HPCAL1: variants seen among roughly 807,000 people sequenced by gnomAD.
The protein encoded by HPCAL1 is hippocalcin like 1, also known as hippocalcin-like protein 1.
In HPCAL1, 8 loss-of-function variants were observed where a neutral mutation model predicts 17.1. That is an observed-to-expected ratio of 0.47 (90% confidence interval 0.27 to 0.84). The LOEUF (loss-of-function observed/expected upper bound fraction) is 0.84, where lower values mean the gene tolerates loss of function less well. Ranked by LOEUF, HPCAL1 falls within the 40% of genes least tolerant of loss-of-function variation. HPCAL1 has a pLI of 0.13. For missense variants in HPCAL1, 165 were observed against 271.1 expected, an observed-to-expected ratio of 0.61 and a Z score of 2.75; for synonymous variants, 112 against 111.4, an observed-to-expected ratio of 1.01 and a Z score of -0.03.
chr2:10,420,575 G>A (rs1671001074), intron 3 of HPCAL1, among the ~76,000 whole-genome samples: 1 of 152,046 alleles, frequency 6.6e-6, no homozygotes, highest in Non-Finnish European at 1.5e-5. Context: ...AAAGTGAGCA[G>A]TTGTCACCTG....
chr2:10,320,944 C>T (rs1663633762), intron 1 of HPCAL1, among the ~76,000 whole-genome samples: 1 of 152,128 alleles, frequency 6.6e-6, no homozygotes, highest in African/African-American at 2.4e-5. Flanking sequence ...GAAAACAATA[C>T]ATTAGTGAAG....
chr2:10,354,277 G>A lies in HPCAL1; in HGVS notation c.-110-42558G>A, dbSNP rs772441974. ...GCCCTTCAGCCATGCAATCCTGCGT[G>A]TCCTCGTTCTTCATTCCACAAATAC... On this transcript the variant is annotated intron_variant, in intron 1 of 4. Coordinates refer to ENST00000307845, the MANE Select transcript of HPCAL1 (RefSeq NM_002149.4). This position sits in a 1 kb window ranked among gnomAD's most constrained non-coding sequence, Gnocchi z 5.1. The A allele has an allele frequency of 6.6e-6, 1 of 152,174 alleles. No homozygotes were observed. The highest frequency in any genetic ancestry group is 1.5e-5 in the Non-Finnish European group (1 of 68,050). The allele number at this position is 152,174 out of a possible 1,614,324, so 9.4% of individuals were successfully genotyped here.
At chr2:10,336,095 G>T (rs770842114) in intron 1 of HPCAL1, among the ~76,000 whole-genome samples, 1,556 of 109,370 alleles carry the variant, frequency 0.014, 97 homozygotes, top group African/African-American at 0.029. Context: ...AATTGCATGT[G>T]CGTATCTTCT....
At chr2:10,347,046 A>G (rs946511985) in intron 1 of HPCAL1, among the ~76,000 whole-genome samples, 4 of 141,840 alleles carry the variant, frequency 2.8e-5, no homozygotes, top group African/African-American at 1.1e-4. Context: ...CAGAGTGCTC[A>G]TAGATGAGTT....
At chr2:10,398,687 C>T (rs955826261) in intron 2 of HPCAL1, among the ~76,000 whole-genome samples, 3 of 152,068 alleles carry the variant, frequency 2.0e-5, no homozygotes, top group Admixed American at 6.5e-5. Context: ...TCCCCTGCCC[C>T]GCCCTTAGAT....
intron 1 of HPCAL1, among the ~76,000 whole-genome samples, chr2:10,389,558 A>G (rs540882720): frequency 6.6e-6 from 1 of 152,356 alleles, no homozygotes; most frequent in East Asian, 1.9e-4. Flanking sequence ...TTGGACTTCC[A>G]GCCCCCAGAA....
rs922783385 is a variant in HPCAL1 at position 10,377,833 on chromosome 2, G to T, written c.-110-19002G>T. On this transcript the variant is annotated intron_variant, in intron 1 of 4. Coordinates refer to ENST00000307845, the MANE Select transcript of HPCAL1 (RefSeq NM_002149.4). This position sits in a 1 kb window ranked among gnomAD's most constrained non-coding sequence, Gnocchi z 5.9. The stretch of plus-strand genomic sequence containing the variant: ...CCCCAGGGTGGTGAGCCACCGAGGG[G>T]GGCCAGGCACGGGGGAGGGTATTCA... 2.0e-5 allele frequency among the ~76,000 whole-genome samples: 3 copies of T among 152,220 alleles called. No homozygotes were observed. The highest frequency in any genetic ancestry group is 1.3e-4 in the Admixed American group (2 of 15,290).
chr2:10,322,618 A>G (rs1156339865), intron 1 of HPCAL1, among the ~76,000 whole-genome samples: 2 of 152,242 alleles, frequency 1.3e-5, no homozygotes, highest in African/African-American at 4.8e-5. Context: ...GTCCCAAGAC[A>G]GATGATTTTT....
chr2:10,307,704 CT>C (rs1662711567), intron 1 of HPCAL1, among the ~76,000 whole-genome samples: 1 of 152,236 alleles, frequency 6.6e-6, no homozygotes, highest in Non-Finnish European at 1.5e-5. Flanking sequence ...AGCTCTTTGT[CT>C]GTCTTCACTT....
rs1669341895 is a variant in HPCAL1 at position 10,399,349 on chromosome 2, CCATCACCACCACTACCATCAT to C, written c.-25+2432_-25+2452del. 1.2e-4 allele frequency among the ~76,000 whole-genome samples: 7 copies of C among 60,454 alleles called. 1 individual carries two copies. Among genetic ancestry groups the C allele is most frequent in the Admixed American group, 2.8e-4 (2 of 7,166 alleles). The allele number at this position is 60,454 out of a possible 152,430, so 39.7% of individuals were successfully genotyped here. A position where few individuals can be genotyped will look rare whatever the true frequency, so the allele number is the denominator to read the frequency against. On this transcript the variant is annotated intron_variant, in intron 2 of 4. Transcript: ENST00000307845. The stretch of plus-strand genomic sequence containing the variant: ...ATCACCACCACCACCACCACCACCA[CCATCACCACCACTACCATCAT>C]CACCACCACCACCACCACCACCACC...
chr2:10,352,148 C>G (rs999158376), intron 1 of HPCAL1, among the ~76,000 whole-genome samples: 2 of 152,170 alleles, frequency 1.3e-5, no homozygotes, highest in Non-Finnish European at 2.9e-5. Flanking sequence ...AGTGATCCAT[C>G]TGCCTCAGTC....
At chr2:10,392,821 G>C (rs1558511853) in intron 1 of HPCAL1, among the ~76,000 whole-genome samples, 1 of 152,204 alleles carries the variant, frequency 6.6e-6, no homozygotes, top group Non-Finnish European at 1.5e-5. Context: ...CTCGGAGAGG[G>C]GCCTAAGGCC....
At chr2:10,400,177 C>T (rs1182018193) in intron 2 of HPCAL1, among the ~76,000 whole-genome samples, 2 of 152,262 alleles carry the variant, frequency 1.3e-5, no homozygotes, top group African/African-American at 4.8e-5. Context: ...AGACGTGCAC[C>T]CGTGGCAAGG....
chr2:10,378,196 A>C (rs1667701623), intron 1 of HPCAL1, among the ~76,000 whole-genome samples: 1 of 150,934 alleles, frequency 6.6e-6, no homozygotes, highest in Admixed American at 6.6e-5. Context: ...TACTTGCCCA[A>C]GAAAAAGTAG....
chr2:10,336,115 T>C (rs1412918872), intron 1 of HPCAL1, among the ~76,000 whole-genome samples: 5 of 149,858 alleles, frequency 3.3e-5, no homozygotes, highest in African/African-American at 1.0e-4. Flanking sequence ...TGCTGTAAAT[T>C]AATTGCATGT....
At chr2:10,423,983 C>T in intron 4 of HPCAL1, 1 of 153,914 alleles carries the variant, frequency 6.5e-6, no homozygotes, top group Non-Finnish European at 1.4e-5. Context: ...GTCCCAGCTA[C>T]TCGGGAGGCT....
chr2:10,402,294 T>C (rs1259192705), intron 2 of HPCAL1, among the ~76,000 whole-genome samples: 1 of 152,234 alleles, frequency 6.6e-6, no homozygotes, highest in Non-Finnish European at 1.5e-5. Flanking sequence ...TACACTTCGG[T>C]GTCTTCCCAG....
chr2:10,378,223 G>GTTT (rs58697364), intron 1 of HPCAL1, among the ~76,000 whole-genome samples: 8 of 96,274 alleles, frequency 8.3e-5, no homozygotes, highest in African/African-American at 2.1e-4. Flanking sequence ...GTGGTTTCAT[G>GTTT]TTTTTTTTTT....
At chr2:10,312,046 C>T (rs980269963) in intron 1 of HPCAL1, among the ~76,000 whole-genome samples, 12 of 151,660 alleles carry the variant, frequency 7.9e-5, no homozygotes, top group African/African-American at 2.9e-4. Flanking sequence ...CTGTCATCAT[C>T]ATCGTCATCA....
Sources: allele counts gnomAD v4.1 joint callset (sites outside exome capture counted in the v4.1 genomes callset), GRCh38; gene constraint gnomAD v4.1.1; non-coding constraint Gnocchi (gnomAD v3.1); transcripts MANE v1.5; gene names NCBI Gene and HGNC (gene_info 2026-07-23, HGNC 2026-07-21).